Variants in NCMAP observed in about 807,000 individuals in gnomAD.
NCMAP encodes the protein noncompact myelin-associated protein.
A neutral mutation model predicts 7.8 loss-of-function variants in NCMAP; 8 were observed. The ratio of observed to expected loss-of-function variants is 1.02; its 90% CI spans 0.60 to 1.84. NCMAP has a LOEUF of 1.84. Ranked by LOEUF, NCMAP falls within the 40% of genes most tolerant of loss-of-function variation. The probability of loss-of-function intolerance (pLI) is 0.00; values close to 1 mark genes in which losing one functional copy is unlikely to be tolerated. For missense variants in NCMAP, 112 were observed against 131.4 expected (o/e 0.85, Z 0.72); for synonymous variants, 41 against 52.9 (o/e 0.78, Z 0.98).
chr1:24,564,513 C>CAAAAA (rs1184189345), intron 1 of NCMAP, among the ~76,000 whole-genome samples: 670 of 49,980 alleles, frequency 0.013, 105 homozygotes, highest in South Asian at 0.034. Context: ...GATTCTGTCT[C>CAAAAA]AAAAAAAAAA....
chr1:24,563,963 T>C (rs1651135078), intron 1 of NCMAP: 1 of 152,050 alleles, frequency 6.6e-6, no homozygotes, highest in African/African-American at 2.4e-5. Flanking sequence ...TGGGAAGATG[T>C]AGGAATAAAG....
intron 1 of NCMAP, among the ~76,000 whole-genome samples, chr1:24,591,389 T>C (rs184017370): frequency 9.0e-4 from 137 of 152,302 alleles, no homozygotes; most frequent in African/African-American, 3.2e-3. Flanking sequence ...TGCCTCAGCC[T>C]CCCAAGTAGC....
intron 1 of NCMAP, among the ~76,000 whole-genome samples, chr1:24,565,572 T>TTGTGTGTGTGTGTGTGTGTGTGTG (rs58714256): frequency 1.4e-5 from 2 of 143,672 alleles, no homozygotes; most frequent in African/African-American, 5.2e-5. Flanking sequence ...TGATAGAAGA[T>TTGTGTGTGTGTGTGTGTGTGTGTG]TGTGTGTGTG....
chr1:24,580,071 A>C (rs12084303), intron 1 of NCMAP, among the ~76,000 whole-genome samples: 4,868 of 152,224 alleles, frequency 0.032, 252 homozygotes, highest in African/African-American at 0.11. Flanking sequence ...AAAGCGCCAG[A>C]GCTGCCGGTG....
intron 1 of NCMAP, among the ~76,000 whole-genome samples, chr1:24,593,126 C>T (rs778598493): frequency 2.6e-5 from 4 of 151,224 alleles, no homozygotes; most frequent in African/African-American, 9.7e-5. Flanking sequence ...TGCAGTGAGC[C>T]GAGATTGTGC....
intron 1 of NCMAP, among the ~76,000 whole-genome samples, chr1:24,592,439 G>A (rs928669679): frequency 1.3e-5 from 2 of 152,030 alleles, no homozygotes; most frequent in Admixed American, 6.6e-5. Context: ...TCATAGATAT[G>A]TACAGCCACA....
At chr1:24,602,527 G>A (rs1652540273) in intron 3 of NCMAP, among the ~76,000 whole-genome samples, 1 of 106,548 alleles carries the variant, frequency 9.4e-6, no homozygotes, top group South Asian at 3.0e-4. Context: ...CGGAGATCGC[G>A]CCACAGCACT....
chr1:24,578,560 C>CTTTTTTTTTT (rs555342098), intron 1 of NCMAP, among the ~76,000 whole-genome samples: 12 of 107,376 alleles, frequency 1.1e-4, no homozygotes, highest in African/African-American at 5.2e-4. Flanking sequence ...TTCTTTCTTT[C>CTTTTTTTTTT]TTTTTTTTTT....
intron 1 of NCMAP, among the ~76,000 whole-genome samples, chr1:24,560,803 G>A (rs113587523): frequency 3.6e-3 from 544 of 151,764 alleles, no homozygotes; most frequent in Non-Finnish European, 6.5e-3. Context: ...CCAATCCCAT[G>A]ACCCTCATGG....
chr1:24,569,399 T>C (rs1651324394), intron 1 of NCMAP, among the ~76,000 whole-genome samples: 1 of 150,658 alleles, frequency 6.6e-6, no homozygotes, highest in African/African-American at 2.5e-5. Context: ...TCCTACACTT[T>C]CCTTCCCTAA....
At chr1:24,595,982 A>T (rs946449039) in intron 2 of NCMAP, among the ~76,000 whole-genome samples, 1 of 152,016 alleles carries the variant, frequency 6.6e-6, no homozygotes, top group Admixed American at 6.6e-5. Context: ...AATGATGATG[A>T]TTATTTTTAT....
At position 24,576,876 on chromosome 1, in the gene NCMAP, C is replaced by T. The variant is rs1570522557; in HGVS notation, c.-7-18548C>T. Reference sequence around the variant, plus strand: ...GACACAGTGGCTCACACCTGTAATCCCAGCACTTTGGGAGGCTGAGGCAGG... The same window carrying T: ...GACACAGTGGCTCACACCTGTAATCTCAGCACTTTGGGAGGCTGAGGCAGG... On this transcript the variant is annotated intron_variant, in intron 1 of 3. Coordinates refer to ENST00000374392, the MANE Select transcript of NCMAP (RefSeq NM_001010980.5). This position sits in a 1 kb window ranked among gnomAD's most constrained non-coding sequence, Gnocchi z 4.0. Among the ~76,000 whole-genome samples the T allele has an allele frequency of 6.6e-6, 1 of 152,094 alleles. No homozygotes were observed. Among genetic ancestry groups the T allele is most frequent in the South Asian group, 2.1e-4 (1 of 4,822 alleles).
chr1:24,557,318 A>G (rs939933365), intron 1 of NCMAP, among the ~76,000 whole-genome samples: 1 of 152,216 alleles, frequency 6.6e-6, no homozygotes, highest in Admixed American at 6.5e-5. Context: ...GTCTAGGTGG[A>G]TGGAACAGTT....
intron 2 of NCMAP, 39 bp downstream of exon 2, chr1:24,595,551 C>A: frequency 1.3e-6 from 2 of 1,498,010 alleles, no homozygotes; most frequent in Non-Finnish European, 1.9e-6. Context: ...GGAAGGATGG[C>A]AGGACCAGTG....
At chr1:24,560,873 C>T (rs765816926) in intron 1 of NCMAP, among the ~76,000 whole-genome samples, 7 of 152,036 alleles carry the variant, frequency 4.6e-5, no homozygotes, top group East Asian at 1.9e-4. Flanking sequence ...AACTTGCTTG[C>T]GGAGAGCTTC....
chr1:24,562,340 C>T (rs1318797381), intron 1 of NCMAP, among the ~76,000 whole-genome samples: 1 of 152,172 alleles, frequency 6.6e-6, no homozygotes. Flanking sequence ...TAAATGAGTG[C>T]TATTATCATC....
intron 1 of NCMAP, among the ~76,000 whole-genome samples, chr1:24,573,952 C>CAAAAAAAAAAAAAAAAAA (rs78594011): frequency 5.0e-4 from 42 of 84,428 alleles, no homozygotes; most frequent in East Asian, 8.1e-4. Flanking sequence ...CCAGAGAGGA[C>CAAAAAAAAAAAAAAAAAA]AAAAAAAAAA....
intron 2 of NCMAP, 32 bp from the exon 3 acceptor site, chr1:24,600,908 A>C: frequency 6.2e-7 from 1 of 1,607,364 alleles, no homozygotes; most frequent in Non-Finnish European, 8.5e-7. Context: ...CAGTTTGCAC[A>C]TTCACGGTCT....
At chr1:24,563,534 C>CAAAAAAAAAAAAAAA (rs57911205) in intron 1 of NCMAP, 12 of 125,368 alleles carry the variant, frequency 9.6e-5, no homozygotes, top group Non-Finnish European at 1.9e-4. Flanking sequence ...AAAACAACAA[C>CAAAAAAAAAAAAAAA]AAAAAAAAAA....
Sources: allele counts gnomAD v4.1 joint callset (sites outside exome capture counted in the v4.1 genomes callset), GRCh38; gene constraint gnomAD v4.1.1; non-coding constraint Gnocchi (gnomAD v3.1); transcripts MANE v1.5; gene names NCBI Gene and HGNC (gene_info 2026-07-23, HGNC 2026-07-21).